The following KCNIP3 variants were observed in gnomAD, a reference collection of about 807,000 sequenced individuals.
KCNIP3 encodes the protein calsenilin.
In KCNIP3, 28 loss-of-function variants were observed where a neutral mutation model predicts 35.0. The observed-to-expected ratio is 0.80, with a 90% CI of 0.59 to 1.10. The LOEUF (loss-of-function observed/expected upper bound fraction) is 1.10. Ranked by LOEUF, KCNIP3 falls within the 50% of genes least tolerant of loss-of-function variation. KCNIP3 has a pLI of 0.00. For missense variants in KCNIP3, 295 were observed against 338.4 expected (o/e 0.87, Z 1.01); for synonymous variants, 134 against 133.8 (o/e 1.00, Z -0.01).
At chr2:95,350,589 G>A (rs1679489765) in intron 2 of KCNIP3, among the ~76,000 whole-genome samples, 1 of 152,164 alleles carries the variant, frequency 6.6e-6, no homozygotes, top group African/African-American at 2.4e-5. Flanking sequence ...ACCGAGCAGG[G>A]GGCCCGGAGC....
intron 2 of KCNIP3, among the ~76,000 whole-genome samples, chr2:95,335,875 T>G (rs1679048863): frequency 6.6e-6 from 1 of 152,240 alleles, no homozygotes; most frequent in Non-Finnish European, 1.5e-5. Context: ...TCTGTTTTTT[T>G]CTTCCATTCA....
chr2:95,329,122 G>T (rs1678865501), intron 2 of KCNIP3, among the ~76,000 whole-genome samples: 1 of 152,204 alleles, frequency 6.6e-6, no homozygotes, highest in Non-Finnish European at 1.5e-5. Flanking sequence ...AGAAGAAATT[G>T]TCTCTTTGGG....
At chr2:95,331,958 G>A (rs576414574) in intron 2 of KCNIP3, among the ~76,000 whole-genome samples, 9 of 152,346 alleles carry the variant, frequency 5.9e-5, no homozygotes, top group African/African-American at 2.2e-4. Context: ...GACATGCAGC[G>A]TCTGCATGTG....
chr2:95,339,377 C>A (rs573559637), intron 2 of KCNIP3, among the ~76,000 whole-genome samples: 3 of 151,988 alleles, frequency 2.0e-5, no homozygotes, highest in Admixed American at 1.3e-4. Flanking sequence ...ATCAGGAGAT[C>A]GAGACCAGCC....
chr2:95,380,839 A>AC (rs1229453538), intron 5 of KCNIP3, among the ~76,000 whole-genome samples: 1 of 152,022 alleles, frequency 6.6e-6, no homozygotes, highest in East Asian at 1.9e-4. Context: ...ACATAGCGAG[A>AC]CCCCATCTCT....
At chr2:95,354,558 A>T (rs1406566044) in intron 2 of KCNIP3, among the ~76,000 whole-genome samples, 1 of 152,110 alleles carries the variant, frequency 6.6e-6, no homozygotes, top group Non-Finnish European at 1.5e-5. Context: ...TAGAACCAGG[A>T]TGTGCAGGGT....
intron 2 of KCNIP3, among the ~76,000 whole-genome samples, chr2:95,326,775 G>C (rs1241096855): frequency 6.6e-6 from 1 of 152,222 alleles, no homozygotes; most frequent in Non-Finnish European, 1.5e-5. Context: ...AATTCCAAAT[G>C]CACCTCGGCC....
At chr2:95,297,899 A>G (rs1677916590) in intron 1 of KCNIP3, among the ~76,000 whole-genome samples, 1 of 152,170 alleles carries the variant, frequency 6.6e-6, no homozygotes, top group African/African-American at 2.4e-5. Flanking sequence ...GGAGGGAGTC[A>G]CTTGTGCTTG....
rs773044028 is a variant in KCNIP3 at position 95,374,874 on chromosome 2, A to C, written c.333A>C (p.Glu111Asp). The change falls in exon 4 of 9, where the codon GAA becomes GAC. Residue 111 changes from glutamate (E) to aspartate (D), a missense_variant. Transcript: ENST00000295225. ...AGTGTCCCACGGGCCTGGTGGACGA[A>C]GACACCTTCAAACTCATTTACGCGC... ...KNECPTGLVD[E>D]DTFKLIYAQF... 6 of 1,613,978 alleles carry C rather than the reference A, an allele frequency of 3.7e-6. No homozygotes were observed. In the East Asian group the frequency reaches 1.1e-4, roughly 30 times the overall value.
chr2:95,377,208 G>A lies in KCNIP3; in HGVS notation c.447+2000G>A, dbSNP rs1205813124. ...TGCAACTCATCTGGCTTGCCAGGAC[G>A]TGCAGAGCTTCCAAAACGATTCCGT... On this transcript the variant is annotated intron_variant, in intron 5 of 8. Coordinates refer to ENST00000295225, the MANE Select transcript of KCNIP3 (RefSeq NM_013434.5). This position sits in a 1 kb window ranked among gnomAD's most constrained non-coding sequence, Gnocchi z 4.7. 3.9e-5 allele frequency among the ~76,000 whole-genome samples: 6 copies of A among 152,254 alleles called. No homozygotes were observed. The highest frequency in any genetic ancestry group is 7.3e-5 in the Non-Finnish European group (5 of 68,040).
intron 2 of KCNIP3, among the ~76,000 whole-genome samples, chr2:95,351,907 T>G (rs1021111200): frequency 5.3e-5 from 8 of 152,104 alleles, no homozygotes; most frequent in African/African-American, 1.9e-4. Flanking sequence ...GAGAAAGAAG[T>G]TTACAGGCCA....
intron 2 of KCNIP3, among the ~76,000 whole-genome samples, chr2:95,334,135 A>G (rs1362379318): frequency 1.3e-5 from 2 of 152,246 alleles, no homozygotes; most frequent in African/African-American, 2.4e-5. Context: ...CGTCAGCATC[A>G]TAAAACATGA....
intron 2 of KCNIP3, chr2:95,312,944 G>C (rs1048121238): frequency 2.0e-5 from 3 of 152,532 alleles, no homozygotes; most frequent in Admixed American, 2.0e-4. Context: ...AGGCCGGGCT[G>C]GTGTGGTCAC....
chr2:95,383,960 C>T lies in KCNIP3; in HGVS notation c.724-42C>T, dbSNP rs541384634. 8 of 1,586,274 alleles carry T rather than the reference C, an allele frequency of 5.0e-6. No individual in the cohort carries two copies. The Admixed American group carries it at 1.3e-4, about 26-fold the overall frequency. On this transcript the variant is annotated intron_variant, in intron 8 of 8. Transcript: ENST00000295225. ...CTGCTCAAGGGGGTCGGATTTGGAGCCCACCCAGCACCTGAAGGCCTCCCT... is the reference window on the plus strand; with the variant it reads ...CTGCTCAAGGGGGTCGGATTTGGAGTCCACCCAGCACCTGAAGGCCTCCCT...
chr2:95,334,364 G>A (rs2104249015), intron 2 of KCNIP3, among the ~76,000 whole-genome samples: 1 of 150,350 alleles, frequency 6.7e-6, no homozygotes, highest in African/African-American at 2.5e-5. Flanking sequence ...TATGCAGGGT[G>A]GGCAGGGGTT....
intron 2 of KCNIP3, among the ~76,000 whole-genome samples, chr2:95,315,988 C>T (rs1162211618): frequency 1.3e-5 from 2 of 152,234 alleles, no homozygotes; most frequent in African/African-American, 4.8e-5. Flanking sequence ...TTTCGGGGCT[C>T]ATGGCCACCT....
intron 2 of KCNIP3, among the ~76,000 whole-genome samples, chr2:95,325,849 A>ACT (rs1678747888): frequency 1.7e-5 from 1 of 59,864 alleles, no homozygotes; most frequent in African/African-American, 1.0e-4. Flanking sequence ...ACTCATACAC[A>ACT]CATACACTCA....
rs1307452076 is a variant in KCNIP3 at position 95,374,309 on chromosome 2, T to C, written c.195T>C (p.Ser65=). The C allele has an allele frequency of 6.2e-7, 1 of 1,613,978 alleles. No homozygotes were observed. Among genetic ancestry groups the C allele is most frequent in the Non-Finnish European group, 8.5e-7 (1 of 1,179,920 alleles). Residue 65 remains serine, a synonymous_variant, in exon 3 of 9, where the codon AGT becomes AGC. Transcript: ENST00000295225. ...TAPQGSDSSD[S]ELELSTVRHQ... ...GTCCCACTCCAGATAGCAGCGACAG[T>C]GAGCTGGAGCTGTCCACGGTGCGCC...
chr2:95,352,940 G>A lies in KCNIP3; in HGVS notation c.182-21356G>A, dbSNP rs563115684. ...GGCCTCCAGTCCATGGCTGAAGAGG[G>A]TGTGCAGCTGTCAGGTTGTTGCTTC... On this transcript the variant is annotated intron_variant, in intron 2 of 8. Coordinates refer to ENST00000295225, the MANE Select transcript of KCNIP3 (RefSeq NM_013434.5). 1.4e-4 allele frequency among the ~76,000 whole-genome samples: 21 copies of A among 152,374 alleles called. No homozygotes were observed. In the South Asian group the frequency reaches 1.7e-3, roughly 12 times the overall value.
Sources: gnomAD v4.1 joint callset for allele counts (sites outside exome capture counted in the v4.1 genomes callset) on GRCh38, gnomAD v4.1.1 for gene constraint, Gnocchi (gnomAD v3.1) non-coding constraint, MANE v1.5 for transcripts, NCBI Gene and HGNC (gene_info 2026-07-23, HGNC 2026-07-21) for gene names.